RPTOR: variants seen among roughly 807,000 people sequenced by gnomAD.
The protein encoded by RPTOR is regulatory-associated protein of mTOR.
A neutral mutation model predicts 169.9 loss-of-function variants in RPTOR; 21 were observed. That is an observed-to-expected ratio of 0.12 (90% CI 0.09 to 0.18). The LOEUF (loss-of-function observed/expected upper bound fraction) is 0.18. Among genes scored for constraint, RPTOR ranks in the 10% least tolerant of loss-of-function variants. The pLI is 1.00. For missense variants in RPTOR, 1,133 were observed against 1,855.9 expected, an observed-to-expected ratio of 0.61 and a Z score of 7.16; for synonymous variants, 732 against 753.2, an observed-to-expected ratio of 0.97 and a Z score of 0.46.
chr17:80,674,346 G>A (rs898165734), intron 3 of RPTOR, among the ~76,000 whole-genome samples: 2 of 152,184 alleles, frequency 1.3e-5, no homozygotes, highest in Admixed American at 1.3e-4. Context: ...GAAAGAAGAA[G>A]TAGGGAAGAA....
chr17:80,743,730 GC>G (rs1461556410), intron 5 of RPTOR, among the ~76,000 whole-genome samples: 1 of 139,500 alleles, frequency 7.2e-6, no homozygotes, highest in Non-Finnish European at 1.6e-5. Context: ...TACGAGCACA[GC>G]CCTGGCTACT....
intron 6 of RPTOR, among the ~76,000 whole-genome samples, chr17:80,756,848 CA>C (rs1014993569): frequency 1.3e-5 from 2 of 151,722 alleles, no homozygotes; most frequent in South Asian, 4.2e-4. Context: ...TTAAAGAATA[CA>C]AAAAAAATTT....
chr17:80,959,147 G>A lies in RPTOR; in HGVS notation c.3478-931G>A, dbSNP rs140654832. Among the ~76,000 whole-genome samples, 628 of 152,360 alleles carry A rather than the reference G, an allele frequency of 4.1e-3. 7 individuals are homozygous for A. The highest frequency in any genetic ancestry group is 0.02 in the Middle Eastern group (6 of 294). ...CCGAGAACCTGGCCCAGGCCTTCCCGTGTGGGCAGCCTCCCCTCTGACGTG... is the reference window on the plus strand; with the variant it reads ...CCGAGAACCTGGCCCAGGCCTTCCCATGTGGGCAGCCTCCCCTCTGACGTG... On this transcript the variant is annotated intron_variant, in intron 29 of 33. Transcript: ENST00000306801. The surrounding 1 kb of genome is among the most constrained non-coding windows in gnomAD (Gnocchi z 6.7).
At chr17:80,784,123 C>T in intron 6 of RPTOR, among the ~76,000 whole-genome samples, 2 of 151,912 alleles carry the variant, frequency 1.3e-5, no homozygotes, top group East Asian at 3.9e-4. Flanking sequence ...CCATGCCCAG[C>T]TAACTTATTT....
At chr17:80,648,667 G>A (rs1017282259) in intron 3 of RPTOR, among the ~76,000 whole-genome samples, 4 of 152,032 alleles carry the variant, frequency 2.6e-5, no homozygotes, top group Non-Finnish European at 4.4e-5. Context: ...AAAGCAATTG[G>A]TATCAGCACA....
chr17:80,880,105 C>A (rs1055156609), intron 13 of RPTOR, among the ~76,000 whole-genome samples: 8 of 152,082 alleles, frequency 5.3e-5, no homozygotes, highest in African/African-American at 1.9e-4. Flanking sequence ...GGGAGCGGGA[C>A]CCCTGGAGAG....
Position 80,883,810 on chromosome 17 carries a change from C to T in RPTOR, c.1680C>T (p.Ala560=), listed in dbSNP as rs1015425089. 11 of 1,613,628 alleles carry T rather than the reference C, an allele frequency of 6.8e-6. No homozygotes were observed. The highest frequency in any genetic ancestry group is 9.3e-6 in the Non-Finnish European group (11 of 1,180,052). Residue 560 remains alanine, a synonymous_variant, in exon 16 of 34, where the codon GCC becomes GCT. Coordinates refer to ENST00000306801, the MANE Select transcript of RPTOR (RefSeq NM_020761.3). ...CCTGCCTTCAGGGAAACCTCATTGC[C>T]ATCTGCCTGGAGCAGCTCAACGACC... ...QEACLQGNLI[A]ICLEQLNDPH...
intron 4 of RPTOR, among the ~76,000 whole-genome samples, chr17:80,725,350 A>G (rs1447977505): frequency 2.0e-5 from 3 of 152,244 alleles, no homozygotes; most frequent in African/African-American, 7.2e-5. Context: ...ACCCATTTCT[A>G]TTTCTTTGTT....
chr17:80,600,416 G>T (rs1376007366), intron 1 of RPTOR, among the ~76,000 whole-genome samples: 1 of 152,242 alleles, frequency 6.6e-6, no homozygotes, highest in Non-Finnish European at 1.5e-5. Context: ...AGCTGTAAAT[G>T]TGGGGTACTT....
chr17:80,616,439 T>G (rs540265996), intron 1 of RPTOR, among the ~76,000 whole-genome samples: 1 of 151,814 alleles, frequency 6.6e-6, no homozygotes, highest in East Asian at 2.0e-4. Flanking sequence ...GCTGGGATTA[T>G]GGGTGCACAC....
At chr17:80,655,397 AT>A (rs1567841348) in intron 3 of RPTOR, among the ~76,000 whole-genome samples, 1 of 151,744 alleles carries the variant, frequency 6.6e-6, no homozygotes, top group African/African-American at 2.4e-5. Flanking sequence ...TTTTAAATTT[AT>A]TTTTATTGAT....
chr17:80,741,042 C>T (rs8067547), intron 5 of RPTOR, among the ~76,000 whole-genome samples: 27,191 of 152,184 alleles, frequency 0.18, 2,887 homozygotes, highest in East Asian at 0.24. Context: ...CAAGTGTTGA[C>T]GAGGATGTGG....
chr17:80,846,259 T>C (rs1454182616), intron 10 of RPTOR, among the ~76,000 whole-genome samples: 1 of 152,278 alleles, frequency 6.6e-6, no homozygotes, highest in Non-Finnish European at 1.5e-5. Context: ...AGCTGCTCTC[T>C]TCTCCTGCCT....
intron 10 of RPTOR, among the ~76,000 whole-genome samples, chr17:80,841,714 G>T (rs1381883795): frequency 1.5e-5 from 2 of 135,526 alleles, no homozygotes; most frequent in African/African-American, 3.0e-5. Context: ...CCGCACGGCA[G>T]CTCACTCTCA....
Position 80,823,247 on chromosome 17 carries a change from G to A in RPTOR, c.1136+24G>A, listed in dbSNP as rs1198541625. On this transcript the variant is annotated intron_variant, in intron 9 of 33. Coordinates refer to ENST00000306801, the MANE Select transcript of RPTOR (RefSeq NM_020761.3). The surrounding 1 kb of genome is among the most constrained non-coding windows in gnomAD (Gnocchi z 4.5). ...TGGTGAGTGTTTCAGGATCCTCCAG[G>A]TGCCGTGCTCCCCCGCCCTCCGTGG... is the stretch of plus-strand genomic sequence containing the variant. The A allele has an allele frequency of 3.7e-6, 6 of 1,610,406 alleles. No homozygotes were observed. Among genetic ancestry groups the A allele is most frequent in the Non-Finnish European group, 5.1e-6 (6 of 1,177,236 alleles).
intron 17 of RPTOR, among the ~76,000 whole-genome samples, chr17:80,886,641 C>T (rs2068249944): frequency 2.0e-5 from 3 of 152,270 alleles, no homozygotes; most frequent in Admixed American, 2.0e-4. Flanking sequence ...CGTGGCCGGG[C>T]TGTGGCCCTG....
At chr17:80,799,933 C>A (rs762697315) in intron 7 of RPTOR, among the ~76,000 whole-genome samples, 1 of 152,232 alleles carries the variant, frequency 6.6e-6, no homozygotes, top group Non-Finnish European at 1.5e-5. Context: ...CCCATGTGTC[C>A]TTGCCCGCTG....
At chr17:80,927,367 A>T (rs998176181) in intron 24 of RPTOR, among the ~76,000 whole-genome samples, 2 of 152,162 alleles carry the variant, frequency 1.3e-5, no homozygotes, top group African/African-American at 4.8e-5. Flanking sequence ...ACATGTTGGT[A>T]ATTTCTTGGT....
rs545513118 is a variant in RPTOR, at chr17:80,607,218, C to T, written c.163-18473C>T. Among the ~76,000 whole-genome samples, 299 of 152,238 alleles carry T rather than the reference C, an allele frequency of 2.0e-3. 1 individual carries two copies. The highest frequency in any genetic ancestry group is 6.7e-3 in the African/African-American group (280 of 41,542). ...CCTCCTAAAGTGCTGGGATTATAGG[C>T]GTGAGCCACCGCGCCCAGCTTTCTT... On this transcript the variant is annotated intron_variant, in intron 1 of 33. Coordinates refer to ENST00000306801, the MANE Select transcript of RPTOR (RefSeq NM_020761.3).
Sources: gnomAD v4.1 joint callset for allele counts (sites outside exome capture counted in the v4.1 genomes callset) on GRCh38, gnomAD v4.1.1 for gene constraint, Gnocchi (gnomAD v3.1) non-coding constraint, MANE v1.5 for transcripts, NCBI Gene and HGNC (gene_info 2026-07-23, HGNC 2026-07-21) for gene names.